Variants in CRLF3 observed in about 807,000 individuals in gnomAD.
CRLF3 encodes the protein cytokine receptor-like factor 3.
Under a neutral mutation model 55.0 loss-of-function variants are expected in CRLF3, and 33 were observed. That is an observed-to-expected ratio of 0.60 (90% CI 0.46 to 0.80). The LOEUF is 0.80. Among genes scored for constraint, CRLF3 ranks in the 30% least tolerant of loss-of-function variants. The pLI is 0.00. For missense variants in CRLF3, 494 were observed against 538.4 expected, an observed-to-expected ratio of 0.92 and a Z score of 0.82; for synonymous variants, 238 against 196.8, an observed-to-expected ratio of 1.21 and a Z score of -1.75.
At chr17:30,803,683 G>C in intron 2 of CRLF3, 1 of 541,878 alleles carries the variant, frequency 1.8e-6, no homozygotes, top group African/African-American at 1.9e-5. Context: ...GTATTTTAAG[G>C]GGAAACCCCT....
In CRLF3 at chr17:30,783,197, G is replaced by C. The variant is rs1481197267; in HGVS notation, c.*990C>G. 1 of 152,168 alleles carries C rather than the reference G, an allele frequency of 6.6e-6. No homozygotes were observed. Among genetic ancestry groups the C allele is most frequent in the Admixed American group, 6.6e-5 (1 of 15,266 alleles). 9.4% of individuals were successfully genotyped at this position (152,168 alleles called of 1,614,324 possible). ...TACATATGAAATGGCTAACACTGCT[G>C]TGCATACTACTGCCATAACTAGTTT... On this transcript the variant is annotated 3_prime_UTR_variant, in exon 8 of 8. Coordinates refer to ENST00000324238, the MANE Select transcript of CRLF3 (RefSeq NM_015986.4).
At chr17:30,787,585 G>A (rs998813774) in intron 6 of CRLF3, 2 of 152,060 alleles carry the variant, frequency 1.3e-5, no homozygotes, top group Non-Finnish European at 2.9e-5. Flanking sequence ...AAAGACAGAT[G>A]TGATTATTTA....
At chr17:30,799,627 C>T (rs1971974870) in intron 2 of CRLF3, among the ~76,000 whole-genome samples, 1 of 151,840 alleles carries the variant, frequency 6.6e-6, no homozygotes, top group Non-Finnish European at 1.5e-5. Flanking sequence ...GCCTCAGCCT[C>T]CCGAGTAGCT....
rs2142237571 is a variant in CRLF3 at position 30,784,789 on chromosome 17, A to AC, written c.1073-347dup. 2 of 205,226 alleles carry AC rather than the reference A, an allele frequency of 9.7e-6. 1 individual carries two copies. The highest frequency in any genetic ancestry group is 1.4e-4 in the South Asian group (2 of 13,996). The allele number at this position is 205,226 out of a possible 1,614,324, so 12.7% of individuals were successfully genotyped here. Reference sequence around the variant, plus strand: ...TTTTTTTTTTTGGAGACAGAGTTTCACTCTTGTTGCCCAGGCTGGAGTGCA... The same window carrying AC: ...TTTTTTTTTTTGGAGACAGAGTTTCACCTCTTGTTGCCCAGGCTGGAGTGCA... On this transcript the variant is annotated intron_variant, in intron 7 of 7. Transcript: ENST00000324238.
At chr17:30,793,806 A>G in intron 4 of CRLF3, 134 bp from the exon 5 acceptor site, 1 of 619,240 alleles carries the variant, frequency 1.6e-6, no homozygotes, top group East Asian at 2.7e-5. Context: ...TATTCTTGGG[A>G]AGGCCATAGA....
rs189996632 is a variant in CRLF3 at position 30,785,406 on chromosome 17, A to T, written c.1072+513T>A. 5.1e-3 allele frequency among the ~76,000 whole-genome samples: 782 copies of T among 151,992 alleles called. 9 individuals are homozygous for T. Among genetic ancestry groups the T allele is most frequent in the African/African-American group, 0.018 (748 of 41,492 alleles). ...TAGCGATTTTTAAAGAGCACTAGGG[A>T]TGTAGACTGAATGATTTATTATTTG... On this transcript the variant is annotated intron_variant, in intron 7 of 7. Transcript: ENST00000324238.
Position 30,783,018 on chromosome 17 carries a change from A to G in CRLF3, c.*1169T>C, listed in dbSNP as rs1248685668. The G allele has an allele frequency of 6.6e-6, 1 of 152,166 alleles. No homozygotes were observed. The highest frequency in any genetic ancestry group is 1.5e-5 in the Non-Finnish European group (1 of 68,026). The allele number at this position is 152,166 out of a possible 1,614,324, so 9.4% of individuals were successfully genotyped here. On this transcript the variant is annotated 3_prime_UTR_variant, in exon 8 of 8. Transcript: ENST00000324238. ...AATATTTTACACACAAATTTAAGTA[A>G]GTTTTTAAAAAAAATAAGTATTTAC...
intron 1 of CRLF3, among the ~76,000 whole-genome samples, chr17:30,818,701 G>T (rs145676145): frequency 6.6e-6 from 1 of 151,764 alleles, no homozygotes. Flanking sequence ...TGATCCGCCC[G>T]CCTCAGCCTC....
intron 6 of CRLF3, among the ~76,000 whole-genome samples, chr17:30,790,231 A>G (rs1225753318): frequency 1.3e-5 from 2 of 152,324 alleles, no homozygotes; most frequent in South Asian, 2.1e-4. Context: ...TGGGTCAAGC[A>G]TTCACAATAA....
intron 7 of CRLF3, 91 bp downstream of exon 7, chr17:30,785,828 C>T (rs556538500): frequency 2.0e-4 from 133 of 654,796 alleles, no homozygotes; most frequent in Middle Eastern, 5.2e-4. Context: ...TTTCTCATCT[C>T]CTACTATAAA....
At chr17:30,803,485 C>T (rs1375200045) in intron 2 of CRLF3, among the ~76,000 whole-genome samples, 1 of 152,098 alleles carries the variant, frequency 6.6e-6, no homozygotes, top group Non-Finnish European at 1.5e-5. Flanking sequence ...AGCAAAATGT[C>T]AATCTGAACG....
At chr17:30,818,222 T>G (rs920115053) in intron 1 of CRLF3, among the ~76,000 whole-genome samples, 4 of 151,912 alleles carry the variant, frequency 2.6e-5, no homozygotes, top group Middle Eastern at 3.2e-3. Flanking sequence ...ATTGAGCCAT[T>G]GCACTCCAGC....
intron 1 of CRLF3, among the ~76,000 whole-genome samples, chr17:30,817,623 G>A (rs1567669165): frequency 2.0e-5 from 3 of 152,024 alleles, no homozygotes; most frequent in East Asian, 1.9e-4. Context: ...AATGTTAACT[G>A]CAGGCCAGGC....
intron 7 of CRLF3, 75 bp from the exon 8 acceptor site, chr17:30,784,518 G>A: frequency 8.0e-7 from 1 of 1,254,578 alleles, no homozygotes; most frequent in Non-Finnish European, 1.1e-6. Context: ...TAGATTACTG[G>A]TAACACAGCT....
intron 1 of CRLF3, among the ~76,000 whole-genome samples, chr17:30,809,326 G>T (rs1342685261): frequency 6.6e-6 from 1 of 151,994 alleles, no homozygotes; most frequent in East Asian, 1.9e-4. Flanking sequence ...TACCACCATG[G>T]GATCATTTTC....
At chr17:30,799,612 C>G (rs1300470215) in intron 2 of CRLF3, among the ~76,000 whole-genome samples, 1 of 151,772 alleles carries the variant, frequency 6.6e-6, no homozygotes, top group Non-Finnish European at 1.5e-5. Flanking sequence ...TCACTGCAAC[C>G]TCTTGCCTCA....
Position 30,784,300 on chromosome 17 carries a change from T to A in CRLF3, c.1216A>T (p.Ile406Leu). ...EGGHFKLRVT[I>L]SSNNREVVFD... ...ACCACTTCTCTATTATTTGAACTTA[T>A]AGTTACTCGAAGCTTGAAGTGTCCA... The change falls in exon 8 of 8, where the codon ATA (isoleucine) becomes TTA (leucine). Residue 406 changes from isoleucine (I) to leucine (L), a missense_variant. Ile to Leu is a conservative substitution (Grantham distance 5). Transcript: ENST00000324238. The A allele has an allele frequency of 3.1e-6, 5 of 1,614,140 alleles. No homozygotes were observed. The highest frequency in any genetic ancestry group is 4.2e-6 in the Non-Finnish European group (5 of 1,179,980).
At chr17:30,798,764 G>A (rs1364459508) in intron 2 of CRLF3, among the ~76,000 whole-genome samples, 4 of 151,822 alleles carry the variant, frequency 2.6e-5, no homozygotes, top group Non-Finnish European at 4.4e-5. Context: ...GCTTGAACCC[G>A]AGAGGTGGAG....
At chr17:30,787,846 C>T (rs139291494) in intron 6 of CRLF3, 1 of 151,910 alleles carries the variant, frequency 6.6e-6, no homozygotes, top group Non-Finnish European at 1.5e-5. Context: ...ACAAAAAATA[C>T]AAAAATTAGC....
Sources: allele counts gnomAD v4.1 joint callset (sites outside exome capture counted in the v4.1 genomes callset), GRCh38; gene constraint gnomAD v4.1.1; transcripts MANE v1.5; gene names NCBI Gene and HGNC (gene_info 2026-07-23, HGNC 2026-07-21).